Variants in CCDC7 observed in about 807,000 individuals in gnomAD.
CCDC7 encodes the protein coiled-coil domain-containing protein 7.
Under a neutral mutation model 196.9 loss-of-function variants are expected in CCDC7, and 183 were observed. That is an observed-to-expected ratio of 0.93 (90% confidence interval 0.82 to 1.05). The LOEUF is 1.05. Among genes scored for constraint, CCDC7 ranks in the 50% least tolerant of loss-of-function variants. The pLI is 0.00. For synonymous variants in CCDC7, 525 were observed against 484.6 expected, an observed-to-expected ratio of 1.08 and a Z score of -1.10; for missense variants, 1,540 against 1,482.2, an observed-to-expected ratio of 1.04 and a Z score of -0.64.
At chr10:32,550,889 G>A (rs1030546526) in intron 13 of CCDC7, among the ~76,000 whole-genome samples, 34 of 152,182 alleles carry the variant, frequency 2.2e-4, no homozygotes, top group African/African-American at 7.9e-4. Context: ...CCTGGTTTTG[G>A]TATTGGGGTG....
At chr10:32,764,047 A>G (rs1009364306) in intron 28 of CCDC7, among the ~76,000 whole-genome samples, 1 of 151,966 alleles carries the variant, frequency 6.6e-6, no homozygotes, top group African/African-American at 2.4e-5. Context: ...ACATATATCA[A>G]AACACCACTC....
chr10:32,641,154 A>G (rs2066728360), intron 20 of CCDC7, among the ~76,000 whole-genome samples: 1 of 152,168 alleles, frequency 6.6e-6, no homozygotes, highest in East Asian at 1.9e-4. Flanking sequence ...CTCAAAGCAC[A>G]TCTTTGTGGC....
intron 41 of CCDC7, among the ~76,000 whole-genome samples, chr10:32,861,115 CAAAAAAAAAAA>C (rs142801821): frequency 3.5e-4 from 34 of 97,106 alleles, no homozygotes; most frequent in Non-Finnish European, 5.7e-4. Context: ...CAATCATAAG[CAAAAAAAAAAA>C]AAAAAAAAGA....
At chr10:32,751,677 A>G (rs1355416952) in intron 28 of CCDC7, among the ~76,000 whole-genome samples, 1 of 152,154 alleles carries the variant, frequency 6.6e-6, no homozygotes, top group Non-Finnish European at 1.5e-5. Context: ...ATCAGAAGTC[A>G]TAGTAACCAA....
At chr10:32,628,776 A>G (rs557292176) in intron 18 of CCDC7, among the ~76,000 whole-genome samples, 112 of 152,208 alleles carry the variant, frequency 7.4e-4, no homozygotes, top group African/African-American at 2.4e-3. Context: ...GGTTTCCAGG[A>G]CCATGTTTCA....
chr10:32,832,694 G>A (rs574466501), intron 32 of CCDC7, among the ~76,000 whole-genome samples: 2 of 151,802 alleles, frequency 1.3e-5, no homozygotes, highest in African/African-American at 4.8e-5. Flanking sequence ...AGTTCCTCAG[G>A]CTGAAAACAA....
chr10:32,859,521 G>C (rs1361359502), intron 41 of CCDC7, among the ~76,000 whole-genome samples: 2 of 152,092 alleles, frequency 1.3e-5, no homozygotes, highest in Admixed American at 6.6e-5. Context: ...AGAGAAGCAA[G>C]AGCGAACAAA....
At chr10:32,755,778 G>A (rs989099269) in intron 28 of CCDC7, among the ~76,000 whole-genome samples, 1 of 152,062 alleles carries the variant, frequency 6.6e-6, no homozygotes, top group East Asian at 1.9e-4. Context: ...AGAGAAGAAG[G>A]CTTCAGACGA....
chr10:32,838,504 G>A (rs1383233243), intron 33 of CCDC7, among the ~76,000 whole-genome samples: 1 of 151,988 alleles, frequency 6.6e-6, no homozygotes, highest in African/African-American at 2.4e-5. Flanking sequence ...GTTCAAACCT[G>A]AGAATAATTG....
chr10:32,703,135 T>G (rs1354359241), intron 24 of CCDC7, among the ~76,000 whole-genome samples: 1 of 152,194 alleles, frequency 6.6e-6, no homozygotes, highest in Non-Finnish European at 1.5e-5. Flanking sequence ...TTTGGCATGT[T>G]TTCGCAGTGG....
chr10:32,832,761 T>C (rs1451951765), intron 32 of CCDC7, among the ~76,000 whole-genome samples: 2 of 152,132 alleles, frequency 1.3e-5, no homozygotes, highest in Non-Finnish European at 2.9e-5. Context: ...TTCTATTACA[T>C]AATATTATAT....
In CCDC7 at chr10:32,677,016, C is replaced by G. The variant is rs182995245; in HGVS notation, c.2123-8954C>G. 9.0e-4 allele frequency among the ~76,000 whole-genome samples: 132 copies of G among 146,586 alleles called. 2 individuals are homozygous for G. The highest frequency in any genetic ancestry group is 3.3e-3 in the African/African-American group (120 of 36,784). ...TGGATTAAGAAAATGTGGCACATAC[C>G]ATGGAATACTATGCAGCCATAAAAA... On this transcript the variant is annotated intron_variant, in intron 21 of 41. Transcript: ENST00000639629.
At chr10:32,556,192 G>A (rs2054310743) in intron 13 of CCDC7, among the ~76,000 whole-genome samples, 1 of 152,160 alleles carries the variant, frequency 6.6e-6, no homozygotes, top group South Asian at 2.1e-4. Context: ...CTCTCTCCCT[G>A]TGTATAAAAT....
chr10:32,590,520 C>T (rs1010437415), intron 18 of CCDC7, among the ~76,000 whole-genome samples: 3 of 152,110 alleles, frequency 2.0e-5, no homozygotes, highest in Non-Finnish European at 2.9e-5. Context: ...GTATTTTACA[C>T]ATCACAATTA....
intron 20 of CCDC7, among the ~76,000 whole-genome samples, chr10:32,657,964 A>G (rs1353658376): frequency 6.6e-6 from 1 of 152,314 alleles, no homozygotes; most frequent in Non-Finnish European, 1.5e-5. Flanking sequence ...TCTCTTTGCT[A>G]AAGTATTGCA....
intron 28 of CCDC7, among the ~76,000 whole-genome samples, chr10:32,739,469 CT>C (rs912625082): frequency 2.6e-5 from 4 of 151,860 alleles, no homozygotes; most frequent in Non-Finnish European, 4.4e-5. Context: ...CTAACATTTC[CT>C]TTTTTTCTTA....
chr10:32,593,984 A>G (rs1373321746), intron 18 of CCDC7, among the ~76,000 whole-genome samples: 1 of 152,170 alleles, frequency 6.6e-6, no homozygotes, highest in Non-Finnish European at 1.5e-5. Context: ...AGGTAGCATG[A>G]TGCCTCCAGC....
At chr10:32,608,108 A>T (rs2061717095) in intron 18 of CCDC7, among the ~76,000 whole-genome samples, 1 of 152,164 alleles carries the variant, frequency 6.6e-6, no homozygotes, top group South Asian at 2.1e-4. Context: ...AGTTTTTCAT[A>T]GTCGTCTCTG....
At chr10:32,791,921 A>T (rs948582519) in intron 29 of CCDC7, among the ~76,000 whole-genome samples, 1 of 152,236 alleles carries the variant, frequency 6.6e-6, no homozygotes, top group Non-Finnish European at 1.5e-5. Flanking sequence ...TTCAAGGCAC[A>T]TTATAATCAA....
Sources: allele counts gnomAD v4.1 joint callset (sites outside exome capture counted in the v4.1 genomes callset), GRCh38; gene constraint gnomAD v4.1.1; transcripts MANE v1.5; gene names NCBI Gene and HGNC (gene_info 2026-07-23, HGNC 2026-07-21).